Variants in PLXDC2 observed in about 807,000 individuals in gnomAD.
The protein encoded by PLXDC2 is plexin domain-containing protein 2.
A neutral mutation model predicts 68.9 loss-of-function variants in PLXDC2; 40 were observed. The ratio of observed to expected loss-of-function variants is 0.58; its 90% CI spans 0.45 to 0.76. The LOEUF (loss-of-function observed/expected upper bound fraction) is 0.76, where lower values mean the gene tolerates loss of function less well. Ranked by LOEUF, PLXDC2 falls within the 30% of genes least tolerant of loss-of-function variation. PLXDC2 has a pLI of 0.00. For synonymous variants in PLXDC2, 243 were observed against 234.2 expected (o/e 1.04, Z -0.34); for missense variants, 644 against 661.9 (o/e 0.97, Z 0.30).
intron 1 of PLXDC2, among the ~76,000 whole-genome samples, chr10:19,887,557 A>C (rs370074786): frequency 1.2e-4 from 18 of 152,078 alleles, no homozygotes; most frequent in East Asian, 7.7e-4. Context: ...AACAAAAAAA[A>C]CCCCGAAGAC....
intron 3 of PLXDC2, among the ~76,000 whole-genome samples, chr10:20,050,076 C>A (rs1363384787): frequency 2.0e-5 from 3 of 151,886 alleles, no homozygotes; most frequent in Non-Finnish European, 4.4e-5. Context: ...GACCATCAGA[C>A]CTTCAACAAA....
intron 1 of PLXDC2, among the ~76,000 whole-genome samples, chr10:19,928,155 T>C (rs1833569998): frequency 6.6e-6 from 1 of 152,234 alleles, no homozygotes; most frequent in South Asian, 2.1e-4. Flanking sequence ...TAGTATTCCA[T>C]AGTGTATATA....
At chr10:20,053,659 T>C (rs897300098) in intron 3 of PLXDC2, among the ~76,000 whole-genome samples, 1 of 152,160 alleles carries the variant, frequency 6.6e-6, no homozygotes, top group Non-Finnish European at 1.5e-5. Context: ...GCCAGACATA[T>C]TAGAATTATT....
chr10:20,272,432 AAATG>A (rs1284212129), intron 13 of PLXDC2, among the ~76,000 whole-genome samples: 2 of 151,936 alleles, frequency 1.3e-5, no homozygotes, highest in East Asian at 3.9e-4. Context: ...TTATTTAAAA[AAATG>A]AAGTCAAAAA....
chr10:19,976,355 A>G (rs1834456205), intron 1 of PLXDC2, among the ~76,000 whole-genome samples: 3 of 152,096 alleles, frequency 2.0e-5, no homozygotes, highest in African/African-American at 7.2e-5. Flanking sequence ...CTGGAATTAC[A>G]GGTGCCTGCC....
chr10:20,122,004 T>G (rs1292673601), intron 4 of PLXDC2, among the ~76,000 whole-genome samples: 8 of 151,632 alleles, frequency 5.3e-5, no homozygotes, highest in Admixed American at 4.6e-4. Context: ...CTTATACTTG[T>G]GGGTTAAGGT....
chr10:20,229,517 CAAAAA>C (rs58386547), intron 12 of PLXDC2, among the ~76,000 whole-genome samples: 1,138 of 105,650 alleles, frequency 0.011, 14 homozygotes, highest in African/African-American at 0.038. Flanking sequence ...CCACTTTAAG[CAAAAA>C]AAAAAAAAAA....
intron 4 of PLXDC2, among the ~76,000 whole-genome samples, chr10:20,085,730 T>C (rs1333108094): frequency 6.6e-6 from 1 of 152,174 alleles, no homozygotes; most frequent in Non-Finnish European, 1.5e-5. Flanking sequence ...CCCAGGCATG[T>C]CATTTTTTCA....
intron 4 of PLXDC2, among the ~76,000 whole-genome samples, chr10:20,129,538 T>TAC (rs1024853296): frequency 9.4e-5 from 14 of 148,176 alleles, no homozygotes; most frequent in East Asian, 3.9e-4. Flanking sequence ...TATATATATA[T>TAC]ACACATACAC....
chr10:19,958,498 T>C (rs571663251), intron 1 of PLXDC2, among the ~76,000 whole-genome samples: 1 of 152,284 alleles, frequency 6.6e-6, no homozygotes, highest in East Asian at 1.9e-4. Flanking sequence ...CGTATCCCCT[T>C]TGGCCATGAA....
chr10:20,142,077 G>T (rs1217047615), intron 4 of PLXDC2, among the ~76,000 whole-genome samples: 1 of 151,998 alleles, frequency 6.6e-6, no homozygotes, highest in African/African-American at 2.4e-5. Flanking sequence ...ATAACTACAG[G>T]TTTAATTCTG....
chr10:19,842,561 C>G (rs183400047), intron 1 of PLXDC2, among the ~76,000 whole-genome samples: 60 of 152,242 alleles, frequency 3.9e-4, no homozygotes, highest in African/African-American at 1.4e-3. Context: ...ACCTTATTTT[C>G]CCACTGGTTT....
chr10:20,072,884 T>G (rs1836360398), intron 4 of PLXDC2, among the ~76,000 whole-genome samples: 1 of 152,212 alleles, frequency 6.6e-6, no homozygotes, highest in South Asian at 2.1e-4. Context: ...CCATAGACTT[T>G]TGATGGATCT....
chr10:19,996,864 T>C (rs1002401624), intron 1 of PLXDC2, among the ~76,000 whole-genome samples: 23 of 152,074 alleles, frequency 1.5e-4, no homozygotes, highest in Non-Finnish European at 8.8e-5. Flanking sequence ...CTTCCCCTTA[T>C]AGAACCATCA....
chr10:20,108,145 G>T (rs552695902), intron 4 of PLXDC2, among the ~76,000 whole-genome samples: 3 of 152,072 alleles, frequency 2.0e-5, no homozygotes, highest in Non-Finnish European at 4.4e-5. Flanking sequence ...TGAAAAATCC[G>T]TCGGCACGGC....
intron 4 of PLXDC2, among the ~76,000 whole-genome samples, chr10:20,086,056 C>G (rs1023339677): frequency 6.6e-6 from 1 of 152,186 alleles, no homozygotes; most frequent in Middle Eastern, 3.2e-3. Flanking sequence ...ATTGTTCTTA[C>G]AAGGCTCAAT....
intron 4 of PLXDC2, among the ~76,000 whole-genome samples, chr10:20,132,890 A>G (rs1015990196): frequency 6.6e-5 from 10 of 151,864 alleles, no homozygotes; most frequent in Admixed American, 4.6e-4. Flanking sequence ...TTTCTATTTT[A>G]TAGCCCTTTT....
chr10:20,215,527 A>G (rs1292816613), intron 10 of PLXDC2, among the ~76,000 whole-genome samples: 1 of 151,970 alleles, frequency 6.6e-6, no homozygotes, highest in Admixed American at 6.6e-5. Context: ...TTTGCAAAAT[A>G]AGATTAGGCA....
intron 1 of PLXDC2, among the ~76,000 whole-genome samples, chr10:19,878,542 CT>C (rs952718820): frequency 2.0e-5 from 3 of 152,046 alleles, no homozygotes; most frequent in Non-Finnish European, 2.9e-5. Flanking sequence ...CAAAGAAAGT[CT>C]TTGGATAACT....
Sources: gnomAD v4.1 joint callset for allele counts (sites outside exome capture counted in the v4.1 genomes callset) on GRCh38, gnomAD v4.1.1 for gene constraint, MANE v1.5 for transcripts, NCBI Gene and HGNC (gene_info 2026-07-23, HGNC 2026-07-21) for gene names.